The following DNMBP variants were observed in gnomAD, a reference collection of about 807,000 sequenced individuals.
DNMBP encodes the protein dynamin binding protein.
A neutral mutation model predicts 150.0 loss-of-function variants in DNMBP; 87 were observed. The observed-to-expected ratio is 0.58, with a 90% CI of 0.49 to 0.69. The LOEUF (loss-of-function observed/expected upper bound fraction) is 0.69, where lower values mean the gene tolerates loss of function less well. Among genes scored for constraint, DNMBP ranks in the 30% least tolerant of loss-of-function variants. The pLI is 0.00. For missense variants in DNMBP, 1,774 were observed against 1,949.0 expected, an observed-to-expected ratio of 0.91 and a Z score of 1.69; for synonymous variants, 711 against 750.4, an observed-to-expected ratio of 0.95 and a Z score of 0.86.
At chr10:99,980,044 G>C (rs1267387757) in intron 1 of DNMBP, among the ~76,000 whole-genome samples, 2 of 152,290 alleles carry the variant, frequency 1.3e-5, no homozygotes, top group East Asian at 3.9e-4. Flanking sequence ...TGCAGCCCTT[G>C]CTCTTATATC....
intron 16 of DNMBP, among the ~76,000 whole-genome samples, chr10:99,879,468 T>A (rs980284699): frequency 3.3e-5 from 5 of 151,938 alleles, no homozygotes; most frequent in East Asian, 3.9e-4. Flanking sequence ...AAAAAAAAAA[T>A]AAAGTATGGT....
chr10:99,914,526 A>C (rs2039939585), intron 4 of DNMBP, among the ~76,000 whole-genome samples: 1 of 151,990 alleles, frequency 6.6e-6, no homozygotes, highest in South Asian at 2.1e-4. Context: ...CCCCTCCTTT[A>C]GGCAATGAAC....
intron 4 of DNMBP, among the ~76,000 whole-genome samples, chr10:99,918,574 C>CTTCTTTTT (rs573358615): frequency 2.6e-4 from 36 of 137,914 alleles, no homozygotes; most frequent in Non-Finnish European, 4.6e-4. Context: ...TCTGCAACTT[C>CTTCTTTTT]TTTTTTTTTT....
At chr10:99,967,591 G>A (rs2040632017) in intron 3 of DNMBP, among the ~76,000 whole-genome samples, 1 of 151,918 alleles carries the variant, frequency 6.6e-6, no homozygotes, top group African/African-American at 2.4e-5. Context: ...TCTCAAAATA[G>A]ATTTTGAGGA....
At position 100,009,926 on chromosome 10, in the gene DNMBP, G is replaced by T. The variant is rs1377728274; in HGVS notation, c.-99C>A. On this transcript the variant is annotated 5_prime_UTR_variant, in exon 1 of 17. Coordinates refer to ENST00000324109, the MANE Select transcript of DNMBP (RefSeq NM_015221.4). Reference sequence around the variant, plus strand: ...CGCTGTCACCTCCGCCCCTGGAAGCGGCGGGCGGGTCGATCCCGTGTGAGT... The same window carrying T: ...CGCTGTCACCTCCGCCCCTGGAAGCTGCGGGCGGGTCGATCCCGTGTGAGT... The T allele has an allele frequency of 6.7e-6, 1 of 148,424 alleles. No individual in the cohort carries two copies. Among genetic ancestry groups the T allele is most frequent in the Non-Finnish European group, 1.5e-5 (1 of 66,490 alleles). 9.2% of individuals were successfully genotyped at this position (148,424 alleles called of 1,614,324 possible).
chr10:99,953,106 G>A (rs780172876), intron 4 of DNMBP, among the ~76,000 whole-genome samples: 4 of 152,104 alleles, frequency 2.6e-5, no homozygotes, highest in Admixed American at 2.6e-4. Flanking sequence ...TGGTGAATAT[G>A]AATGAAGTCT....
intron 3 of DNMBP, among the ~76,000 whole-genome samples, chr10:99,966,157 T>C (rs1453824428): frequency 1.3e-5 from 2 of 152,134 alleles, no homozygotes; most frequent in African/African-American, 4.8e-5. Context: ...GCCTTGTGTT[T>C]CCAAATTAAA....
At chr10:99,989,653 G>A (rs2040865568) in intron 1 of DNMBP, among the ~76,000 whole-genome samples, 1 of 152,224 alleles carries the variant, frequency 6.6e-6, no homozygotes, top group East Asian at 1.9e-4. Flanking sequence ...GGAGGTTGCA[G>A]TGAGCCGAGA....
chr10:100,000,859 CA>C lies in DNMBP; in HGVS notation c.-11+8978del, dbSNP rs36026874. ...TTTTAGAAAGTGACACCTGTTATGG[CA>C]AAAAAAAAAAAAAAAAAAAAAAAAA... is the stretch of plus-strand genomic sequence containing the variant. On this transcript the variant is annotated intron_variant, in intron 1 of 16. Transcript: ENST00000324109. Among the ~76,000 whole-genome samples, 347 of 52,510 alleles carry C rather than the reference CA, an allele frequency of 6.6e-3. 1 individual carries two copies. The highest frequency in any genetic ancestry group is 0.012 in the East Asian group (15 of 1,222). 34.4% of individuals were successfully genotyped at this position (52,510 alleles called of 152,430 possible). A position where few individuals can be genotyped will look rare whatever the true frequency, so the allele number is the denominator to read the frequency against.
chr10:99,907,888 C>T lies in DNMBP; in HGVS notation c.2554+107G>A, dbSNP rs1317823212. 3 of 753,634 alleles carry T rather than the reference C, an allele frequency of 4.0e-6. No individual in the cohort carries two copies. The East Asian group carries it at 7.7e-5, about 19-fold the overall frequency. 46.7% of individuals were successfully genotyped at this position (753,634 alleles called of 1,614,324 possible). On this transcript the variant is annotated intron_variant, in intron 6 of 16. Coordinates refer to ENST00000324109, the MANE Select transcript of DNMBP (RefSeq NM_015221.4). ...GTAACCTCTGGACTAAGTACCTACA[C>T]CTGTATCTTCCCGGAGGCATAGTTA...
In DNMBP at chr10:99,960,932, G is replaced by A. The variant is rs139625758; in HGVS notation, c.269-3727C>T. On this transcript the variant is annotated intron_variant, in intron 3 of 16. Transcript: ENST00000324109. ...TTCAAGGCTACAGTGAACTATGATC[G>A]GACCACTGCACTCCAGCCTGGGTGA... Among the ~76,000 whole-genome samples, 1,216 of 151,718 alleles carry A rather than the reference G, an allele frequency of 8.0e-3. 19 individuals carry two copies. Among genetic ancestry groups the A allele is most frequent in the African/African-American group, 0.028 (1,159 of 41,310 alleles).
At chr10:99,975,129 G>A (rs190210750) in intron 1 of DNMBP, among the ~76,000 whole-genome samples, 1 of 152,298 alleles carries the variant, frequency 6.6e-6, no homozygotes, top group Admixed American at 6.5e-5. Context: ...GGAGGCTGAG[G>A]CGGGTGGATC....
At chr10:99,888,550 T>C (rs1426495702) in intron 12 of DNMBP, among the ~76,000 whole-genome samples, 3 of 152,206 alleles carry the variant, frequency 2.0e-5, no homozygotes, top group Admixed American at 2.0e-4. Flanking sequence ...TTTTATTTGA[T>C]CAGAGTTCAT....
At chr10:99,885,311 C>G (rs544664227) in intron 14 of DNMBP, among the ~76,000 whole-genome samples, 2 of 152,126 alleles carry the variant, frequency 1.3e-5, no homozygotes, top group Non-Finnish European at 2.9e-5. Context: ...GAGATCGAGA[C>G]CACCCTGGCC....
At chr10:100,002,256 T>A (rs961789689) in intron 1 of DNMBP, among the ~76,000 whole-genome samples, 1 of 148,476 alleles carries the variant, frequency 6.7e-6, no homozygotes, top group Non-Finnish European at 1.5e-5. Context: ...CTTTTCTATA[T>A]TTTACAGATG....
intron 7 of DNMBP, 101 bp downstream of exon 7, chr10:99,899,818 A>C: frequency 7.8e-7 from 1 of 1,275,082 alleles, no homozygotes. Context: ...TGGATATCTT[A>C]TGTTTAAAAT....
At chr10:99,894,823 T>C (rs1482329174) in intron 11 of DNMBP, 123 bp downstream of exon 11, 2 of 673,428 alleles carry the variant, frequency 3.0e-6, no homozygotes, top group African/African-American at 3.6e-5. Flanking sequence ...AAAAGTATGA[T>C]GGGGCATAAT....
intron 5 of DNMBP, among the ~76,000 whole-genome samples, chr10:99,908,447 AAGCCC>A (rs1308444303): frequency 2.6e-5 from 4 of 152,240 alleles, no homozygotes; most frequent in African/African-American, 9.6e-5. Flanking sequence ...GTGTAAACCC[AAGCCC>A]AGCCCAGCTG....
intron 1 of DNMBP, among the ~76,000 whole-genome samples, chr10:99,984,322 T>C (rs556618148): frequency 1.3e-5 from 2 of 152,296 alleles, no homozygotes; most frequent in East Asian, 3.9e-4. Flanking sequence ...TGCATGAATC[T>C]CAATTATGGG....
Sources: allele counts gnomAD v4.1 joint callset (sites outside exome capture counted in the v4.1 genomes callset), GRCh38; gene constraint gnomAD v4.1.1; transcripts MANE v1.5; gene names NCBI Gene and HGNC (gene_info 2026-07-23, HGNC 2026-07-21).